The following PPP1R9A variants were observed in gnomAD, a reference collection of about 807,000 sequenced individuals.
The protein encoded by PPP1R9A is protein phosphatase 1 regulatory subunit 9A.
Under a neutral mutation model 141.9 loss-of-function variants are expected in PPP1R9A, and 59 were observed. The observed-to-expected ratio is 0.42, with a 90% confidence interval of 0.34 to 0.52. The LOEUF is 0.52. Among genes scored for constraint, PPP1R9A ranks in the 20% least tolerant of loss-of-function variants. The pLI is 0.10. For synonymous variants in PPP1R9A, 500 were observed against 569.7 expected, an observed-to-expected ratio of 0.88 and a Z score of 1.74; for missense variants, 1,444 against 1,611.9, an observed-to-expected ratio of 0.90 and a Z score of 1.78.
chr7:94,955,223 CT>C (rs1233377526), intron 2 of PPP1R9A, among the ~76,000 whole-genome samples: 2 of 151,944 alleles, frequency 1.3e-5, no homozygotes, highest in Non-Finnish European at 2.9e-5. Flanking sequence ...TATGCTTACT[CT>C]TAAGCAACTG....
At chr7:95,271,433 G>A (rs1369058227) in intron 14 of PPP1R9A, among the ~76,000 whole-genome samples, 1 of 152,148 alleles carries the variant, frequency 6.6e-6, no homozygotes, top group Non-Finnish European at 1.5e-5. Flanking sequence ...AAGAAAGTGA[G>A]GCAAAACTAT....
Position 95,111,191 on chromosome 7 carries a change from A to G in PPP1R9A, c.1396-68A>G, listed in dbSNP as rs559507207. On this transcript the variant is annotated intron_variant, in intron 2 of 19. Transcript: ENST00000433360. The stretch of plus-strand genomic sequence containing the variant: ...TCATCACATGAATGTTTAAACTTAC[A>G]TAGTTTTGGATACCTGGCAGGTTTT... 36 of 1,421,624 alleles carry G rather than the reference A, an allele frequency of 2.5e-5. No individual in the cohort carries two copies. In the South Asian group the frequency reaches 4.7e-4, roughly 19 times the overall value. The allele number at this position is 1,421,624 out of a possible 1,614,324, so 88.1% of individuals were successfully genotyped here.
intron 4 of PPP1R9A, among the ~76,000 whole-genome samples, chr7:95,149,252 GA>G (rs1293878586): frequency 2.0e-5 from 3 of 151,414 alleles, no homozygotes; most frequent in Admixed American, 6.6e-5. Flanking sequence ...TTCTCAACTT[GA>G]AAAAAAATAC....
At chr7:94,970,666 C>T (rs1270799617) in intron 2 of PPP1R9A, among the ~76,000 whole-genome samples, 1 of 138,414 alleles carries the variant, frequency 7.2e-6, no homozygotes, top group African/African-American at 2.7e-5. Context: ...GATAGAGTCT[C>T]TCTCTGTTGC....
intron 12 of PPP1R9A, among the ~76,000 whole-genome samples, chr7:95,258,363 T>A (rs1365342167): frequency 2.6e-5 from 4 of 152,058 alleles, no homozygotes; most frequent in Non-Finnish European, 5.9e-5. Context: ...TTGATGAGGT[T>A]GTTTGTTTTT....
intron 2 of PPP1R9A, among the ~76,000 whole-genome samples, chr7:95,087,781 GCT>G (rs1274842428): frequency 6.6e-6 from 1 of 151,772 alleles, no homozygotes; most frequent in Non-Finnish European, 1.5e-5. Flanking sequence ...TGTAATCCCA[GCT>G]ACTCAGGAGG....
chr7:95,248,138 A>G (rs912325415), intron 9 of PPP1R9A, among the ~76,000 whole-genome samples: 6 of 109,482 alleles, frequency 5.5e-5, no homozygotes, highest in African/African-American at 1.7e-4. Flanking sequence ...TATGAGACAC[A>G]ATTCTAGCAA....
In PPP1R9A at chr7:94,940,391, C is replaced by T. The variant is rs374776046; in HGVS notation, c.1395+28883C>T. On this transcript the variant is annotated intron_variant, in intron 2 of 19. Coordinates refer to ENST00000433360, the MANE Select transcript of PPP1R9A (RefSeq NM_001166160.2). ...TAAGTACAGCTCATTGGAACTTAGC[C>T]TATTTCATCCAGATGTGTAACATCC... 3.7e-3 allele frequency among the ~76,000 whole-genome samples: 558 copies of T among 151,790 alleles called. 3 individuals are homozygous for T. The highest frequency in any genetic ancestry group is 0.013 in the African/African-American group (523 of 41,464).
At chr7:95,256,735 G>A (rs904035266) in intron 12 of PPP1R9A, among the ~76,000 whole-genome samples, 2 of 151,952 alleles carry the variant, frequency 1.3e-5, no homozygotes, top group African/African-American at 2.4e-5. Context: ...TAAAAAACTC[G>A]AGTCTTCTGA....
At chr7:95,166,725 G>A (rs1609193) in intron 5 of PPP1R9A, among the ~76,000 whole-genome samples, 43,257 of 152,052 alleles carry the variant, frequency 0.28, 7,564 homozygotes, top group Middle Eastern at 0.43. Flanking sequence ...AAAACTGCAG[G>A]CCAATATTCC....
intron 2 of PPP1R9A, among the ~76,000 whole-genome samples, chr7:95,060,952 G>C (rs1441667994): frequency 6.6e-6 from 1 of 152,126 alleles, no homozygotes; most frequent in African/African-American, 2.4e-5. Context: ...GTTACCGTGG[G>C]AGCTAGCACT....
rs1396124372 is a variant in PPP1R9A at position 95,225,984 on chromosome 7, A to T, written c.1980A>T (p.Glu660Asp). 4 of 1,609,492 alleles carry T rather than the reference A, an allele frequency of 2.5e-6. No individual in the cohort carries two copies. The highest frequency in any genetic ancestry group is 3.4e-6 in the Non-Finnish European group (4 of 1,176,602). ...AGACAGGAGAATATGCCACAGATGA[A>T]GAAGAAGATGAGGTAGGACCTGTCC... ...FLKTGEYATD[E>D]EEDEVGPVLP... is the part of the protein sequence containing the mutation. The change falls in exon 8 of 20, where the codon GAA becomes GAT. Residue 660 changes from glutamate to aspartate, a missense_variant. This residue lies in a region of PPP1R9A where 488 missense variants were observed against 542.0 expected (regional missense o/e 0.90). Coordinates refer to ENST00000433360, the MANE Select transcript of PPP1R9A (RefSeq NM_001166160.2).
intron 7 of PPP1R9A, among the ~76,000 whole-genome samples, chr7:95,209,225 A>G (rs1220580667): frequency 6.6e-6 from 1 of 152,204 alleles, no homozygotes; most frequent in East Asian, 1.9e-4. Context: ...CTTTGCAGTT[A>G]TGTGATTATG....
intron 2 of PPP1R9A, among the ~76,000 whole-genome samples, chr7:95,062,051 C>G (rs1812311385): frequency 6.6e-6 from 1 of 152,142 alleles, no homozygotes; most frequent in Admixed American, 6.5e-5. Context: ...CTTGCATCCT[C>G]TGGTAATTGT....
intron 12 of PPP1R9A, among the ~76,000 whole-genome samples, chr7:95,259,104 T>C (rs960160629): frequency 1.3e-5 from 2 of 152,208 alleles, no homozygotes; most frequent in Non-Finnish European, 2.9e-5. Flanking sequence ...CAGAATATTA[T>C]ATACAATTCA....
At position 95,290,332 on chromosome 7, in the gene PPP1R9A, G is replaced by T. The variant is rs768753588; in HGVS notation, c.*29G>T. On this transcript the variant is annotated 3_prime_UTR_variant, in exon 20 of 20. Transcript: ENST00000433360. The stretch of plus-strand genomic sequence containing the variant: ...ATACCCTCTTACAGATGATGGAGAT[G>T]CTCCAAGAGAAGTCCCCACCTCTTC... 9 of 1,583,126 alleles carry T rather than the reference G, an allele frequency of 5.7e-6. No individual in the cohort carries two copies. Among genetic ancestry groups the T allele is most frequent in the Non-Finnish European group, 1.7e-6 (2 of 1,163,806 alleles).
At chr7:94,966,391 T>C (rs927257020) in intron 2 of PPP1R9A, among the ~76,000 whole-genome samples, 1 of 152,194 alleles carries the variant, frequency 6.6e-6, no homozygotes, top group Non-Finnish European at 1.5e-5. Context: ...CCTTGTCTTG[T>C]GCTGGTTTTC....
chr7:94,934,280 G>A (rs1176907860), intron 2 of PPP1R9A, among the ~76,000 whole-genome samples: 3 of 152,160 alleles, frequency 2.0e-5, no homozygotes, highest in South Asian at 2.1e-4. Flanking sequence ...GACTCACACT[G>A]ACAGTTCAGA....
intron 7 of PPP1R9A, among the ~76,000 whole-genome samples, chr7:95,210,454 G>A (rs1425925288): frequency 1.3e-5 from 2 of 151,932 alleles, no homozygotes; most frequent in Non-Finnish European, 2.9e-5. Flanking sequence ...TGGCAATGAA[G>A]GGTGTGTTCA....
Sources: gnomAD v4.1 joint callset for allele counts (sites outside exome capture counted in the v4.1 genomes callset) on GRCh38, gnomAD v4.1.1 for gene constraint, gnomAD v4.1.1 regional missense constraint, MANE v1.5 for transcripts, NCBI Gene and HGNC (gene_info 2026-07-23, HGNC 2026-07-21) for gene names.